The following C16orf96 variants were observed in gnomAD, a reference collection of about 807,000 sequenced individuals.
C16orf96 encodes chromosome 16 open reading frame 96.
In C16orf96, 108 loss-of-function variants were observed where a neutral mutation model predicts 103.6. The ratio of observed to expected loss-of-function variants is 1.04; its 90% CI spans 0.89 to 1.22. The LOEUF is 1.22. Among genes scored for constraint, C16orf96 ranks in the 50% most tolerant of loss-of-function variants. The pLI is 0.00. For missense variants in C16orf96, 1,586 were observed against 1,464.2 expected (o/e 1.08, Z -1.36); for synonymous variants, 566 against 593.5 (o/e 0.95, Z 0.67).
rs1356620608 is a variant in C16orf96, at chr16:4,593,330, G to T, written c.2867+14G>T. ...GCAACAGATGAGGTGAGCAGGATGG[G>T]CGCCCCGCAGGGAGGCCGCCCCGCA... On this transcript the variant is annotated intron_variant, in intron 12 of 15. Coordinates refer to ENST00000444310, the MANE Select transcript of C16orf96 (RefSeq NM_001145011.2). The surrounding 1 kb of genome is among the most constrained non-coding windows in gnomAD (Gnocchi z 4.2). The T allele has an allele frequency of 3.2e-6, 5 of 1,549,014 alleles. No homozygotes were observed. In the African/African-American group the frequency reaches 5.5e-5, roughly 17 times the overall value.
intron 7 of C16orf96, among the ~76,000 whole-genome samples, chr16:4,580,378 C>T (rs561652907): frequency 6.9e-6 from 1 of 144,852 alleles, no homozygotes; most frequent in Admixed American, 7.3e-5. Flanking sequence ...GCGTCACCTG[C>T]CCCTGGAAGG....
chr16:4,542,312 C>T, the C16orf96 span, among the ~76,000 whole-genome samples: 1 of 152,016 alleles, frequency 6.6e-6, no homozygotes, highest in South Asian at 2.1e-4. Flanking sequence ...CTGCAGTGAG[C>T]AAGAATTGCG....
At chr16:4,556,178 G>A (rs559583703), upstream of C16orf96, among the ~76,000 whole-genome samples, 1 of 152,208 alleles carries the variant, frequency 6.6e-6, no homozygotes, top group South Asian at 2.1e-4. Context: ...GAATGAAGAG[G>A]CTGCCATCAG....
intron 1 of C16orf96, among the ~76,000 whole-genome samples, chr16:4,566,513 T>C (rs575383238): frequency 6.6e-6 from 1 of 152,280 alleles, no homozygotes; most frequent in African/African-American, 2.4e-5. Flanking sequence ...TCTTTGCCCA[T>C]TTTTAATTGG....
intron 9 of C16orf96, among the ~76,000 whole-genome samples, chr16:4,589,622 G>C (rs996064199): frequency 1.3e-5 from 2 of 151,410 alleles, no homozygotes; most frequent in East Asian, 3.9e-4. Context: ...AAAAATGGGC[G>C]CAGAACAACC....
At chr16:4,539,734 A>G in the C16orf96 span, among the ~76,000 whole-genome samples, 5 of 152,128 alleles carry the variant, frequency 3.3e-5, no homozygotes, top group Non-Finnish European at 4.4e-5. Flanking sequence ...ATGCACCCAG[A>G]GGCCACAAGA....
intron 6 of C16orf96, among the ~76,000 whole-genome samples, chr16:4,579,312 C>T (rs1212964489): frequency 6.6e-6 from 1 of 151,934 alleles, no homozygotes; most frequent in Non-Finnish European, 1.5e-5. Flanking sequence ...CAACGCTTTA[C>T]AAGGCTGAGG....
At chr16:4,542,071 T>C in the C16orf96 span, among the ~76,000 whole-genome samples, 145 of 152,360 alleles carry the variant, frequency 9.5e-4, 1 homozygote, top group East Asian at 0.01. Flanking sequence ...CCAGCACATA[T>C]GTAATCCAGA....
chr16:4,600,491 C>CT lies in C16orf96; in HGVS notation c.*174_*175insT, dbSNP rs1466160685. On this transcript the variant is annotated 3_prime_UTR_variant, in exon 16 of 16. Transcript: ENST00000444310. ...ATGTCCGAGGCTGAGGCTCATGCGC[C>CT]CCCCCCCATCCCTACCAAGTCCCCT... The CT allele has an allele frequency of 1.1e-5, 5 of 473,170 alleles. 1 individual carries two copies. In the Admixed American group the frequency reaches 1.5e-4, roughly 14 times the overall value. 29.3% of individuals were successfully genotyped at this position (473,170 alleles called of 1,614,324 possible).
intron 14 of C16orf96, among the ~76,000 whole-genome samples, chr16:4,596,762 G>A (rs993991520): frequency 6.6e-6 from 1 of 152,132 alleles, no homozygotes; most frequent in African/African-American, 2.4e-5. Context: ...TACAGCCAGA[G>A]TTGATCCTCC....
chr16:4,544,068 A>G, the C16orf96 span, among the ~76,000 whole-genome samples: 1,068 of 152,214 alleles, frequency 7.0e-3, 13 homozygotes, highest in African/African-American at 0.025. Flanking sequence ...GAAACTAAGG[A>G]GGGGTCATAG....
chr16:4,578,166 T>C (rs1039270218), intron 5 of C16orf96, among the ~76,000 whole-genome samples: 3 of 152,096 alleles, frequency 2.0e-5, no homozygotes, highest in African/African-American at 7.2e-5. Flanking sequence ...TTTTTTGAGA[T>C]GGAGTTTCAC....
chr16:4,555,716 G>A (rs1362144332), upstream of C16orf96, among the ~76,000 whole-genome samples: 1 of 62,076 alleles, frequency 1.6e-5, no homozygotes, highest in Admixed American at 1.9e-4. Context: ...TTTTTTTTTT[G>A]AGGCAAGGTC....
chr16:4,574,899 G>C, intron 3 of C16orf96, 73 bp from the exon 4 acceptor site: 1 of 1,527,376 alleles, frequency 6.5e-7, no homozygotes. Context: ...AGCCTGGAAA[G>C]GTTTCTTTGC....
Position 4,594,709 on chromosome 16 carries a change from G to A in C16orf96, c.3033G>A (p.Glu1011=). Residue 1011 remains glutamate, a synonymous_variant, in exon 14 of 16, where the codon GAG becomes GAA. Transcript: ENST00000444310. ...DPHVIDYDSA[E]VDILGVDGIL... ...GGACCTGGGCCATCCAACAGGCCGA[G>A]GTGGACATCCTGGGCGTGGATGGGA... 2 of 1,551,308 alleles carry A rather than the reference G, an allele frequency of 1.3e-6. No individual in the cohort carries two copies. Among genetic ancestry groups the A allele is most frequent in the South Asian group, 1.2e-5 (1 of 84,052 alleles).
Position 4,575,718 on chromosome 16 carries a change from T to A in C16orf96, c.1238T>A (p.Leu413Gln), listed in dbSNP as rs1164822614. ...GSWPLWDLGV[L>Q]RPTQPQPSRA... ...TGGCCTCTGTGGGACTTAGGTGTCCTGCGGCCAACTCAGCCCCAACCCTCC... is the reference window on the plus strand; with the variant it reads ...TGGCCTCTGTGGGACTTAGGTGTCCAGCGGCCAACTCAGCCCCAACCCTCC... Residue 413 changes from leucine (L) to glutamine (Q), a missense_variant, in exon 5 of 16, where the codon CTG (leucine) becomes CAG (glutamine). Coordinates refer to ENST00000444310, the MANE Select transcript of C16orf96 (RefSeq NM_001145011.2). The A allele has an allele frequency of 2.0e-6, 3 of 1,533,500 alleles. No individual in the cohort carries two copies. The highest frequency in any genetic ancestry group is 2.6e-6 in the Non-Finnish European group (3 of 1,138,808). The allele number at this position is 1,533,500 out of a possible 1,614,324, so 95.0% of individuals were successfully genotyped here.
upstream of C16orf96, among the ~76,000 whole-genome samples, chr16:4,552,231 C>T (rs985091232): frequency 2.0e-5 from 3 of 152,044 alleles, no homozygotes; most frequent in Non-Finnish European, 4.4e-5. Flanking sequence ...CCTGTAATCC[C>T]AGCACTTTGG....
the C16orf96 span, among the ~76,000 whole-genome samples, chr16:4,546,431 T>C: frequency 6.7e-6 from 1 of 150,170 alleles, no homozygotes; most frequent in Non-Finnish European, 1.5e-5. Context: ...GTGCTGCGAT[T>C]ACAGGCGGGA....
At chr16:4,552,431 GA>G (rs944129022), upstream of C16orf96, among the ~76,000 whole-genome samples, 15 of 147,248 alleles carry the variant, frequency 1.0e-4, 1 homozygote, top group African/African-American at 3.5e-4. Context: ...GCGGTGAGCC[GA>G]GATCGCGCCA....
Sources: allele counts gnomAD v4.1 joint callset (sites outside exome capture counted in the v4.1 genomes callset), GRCh38; gene constraint gnomAD v4.1.1; non-coding constraint Gnocchi (gnomAD v3.1); transcripts MANE v1.5; gene names NCBI Gene and HGNC (gene_info 2026-07-23, HGNC 2026-07-21).